FNIP1: variants seen among roughly 807,000 people sequenced by gnomAD.
The protein encoded by FNIP1 is folliculin interacting protein 1.
Under a neutral mutation model 124.5 loss-of-function variants are expected in FNIP1, and 40 were observed. The ratio of observed to expected loss-of-function variants is 0.32; its 90% CI spans 0.25 to 0.42. The LOEUF is 0.42. FNIP1 is among the 10% of genes least tolerant of loss of function. The probability of loss-of-function intolerance (pLI) is 1.00; values close to 1 mark genes in which losing one functional copy is unlikely to be tolerated. For missense variants in FNIP1, 1,176 were observed against 1,403.7 expected (o/e 0.84, Z 2.59); for synonymous variants, 472 against 470.6 (o/e 1.00, Z -0.04).
At chr5:131,754,082 G>T (rs188541082) in intron 1 of FNIP1, among the ~76,000 whole-genome samples, 2 of 152,304 alleles carry the variant, frequency 1.3e-5, no homozygotes, top group Admixed American at 6.5e-5. Context: ...AAAGTGGTGG[G>T]ATTACAGGCA....
chr5:131,709,738 C>CA (rs1308692405), intron 7 of FNIP1, among the ~76,000 whole-genome samples: 93 of 151,982 alleles, frequency 6.1e-4, no homozygotes, highest in African/African-American at 2.1e-3. Flanking sequence ...CTTTAAAAAA[C>CA]AAAAAAGCAG....
intron 5 of FNIP1, among the ~76,000 whole-genome samples, chr5:131,718,701 A>C (rs1769552393): frequency 1.3e-5 from 2 of 152,250 alleles, no homozygotes; most frequent in African/African-American, 2.4e-5. Context: ...CAGGTAACTC[A>C]GCGTGGTACC....
chr5:131,679,100 T>A lies in FNIP1; in HGVS notation c.1278A>T (p.Pro426=). The change falls in exon 12 of 18, where the codon CCA becomes CCT. Residue 426 remains proline, a synonymous_variant. Transcript: ENST00000510461. ...AACGATAGCAAAGGTGGTTCTTTTC[T>A]GGAGTCCCCGACATCATTGTAAGCC... The part of the protein sequence containing the change: ...PVWLTMMSGT[P]EKNHLCYRFM... 1 of 1,611,134 alleles carries A rather than the reference T, an allele frequency of 6.2e-7. No individual in the cohort carries two copies.
chr5:131,672,950 G>A, intron 13 of FNIP1, 26 bp from the exon 14 acceptor site: 1 of 1,473,476 alleles, frequency 6.8e-7, no homozygotes, highest in East Asian at 2.3e-5. Context: ...TCAGTTATTG[G>A]ACATGTCCTT....
In FNIP1 at chr5:131,796,548, G is replaced by C. The variant is rs1003347179; in HGVS notation, c.92+282C>G. The C allele has an allele frequency of 1.0e-5, 5 of 499,674 alleles. No homozygotes were observed. In the African/African-American group the frequency reaches 1.0e-4, roughly 10 times the overall value. The allele number at this position is 499,674 out of a possible 1,614,324, so 31.0% of individuals were successfully genotyped here. On this transcript the variant is annotated intron_variant, in intron 1 of 17. Coordinates refer to ENST00000510461, the MANE Select transcript of FNIP1 (RefSeq NM_133372.3). ...CCAAAGTCTCAGGCCGCGGTGCTAG[G>C]TCCGGAGGAGCAGAGTCGCGCGTGG...
intron 1 of FNIP1, among the ~76,000 whole-genome samples, chr5:131,756,446 G>A (rs1771054456): frequency 6.6e-6 from 1 of 152,044 alleles, no homozygotes; most frequent in South Asian, 2.1e-4. Flanking sequence ...GAAATACACA[G>A]GTGTATAATA....
chr5:131,673,184 A>G lies in FNIP1; in HGVS notation c.1520-260T>C, dbSNP rs376642437. 4.0e-5 allele frequency among the ~76,000 whole-genome samples: 6 copies of G among 151,258 alleles called. No individual in the cohort carries two copies. In the East Asian group the frequency reaches 7.8e-4, roughly 20 times the overall value. Reference sequence around the variant, plus strand: ...TACCTCAGCCTCCTGAGTAGCTGGGACTATAAGCGCGTGCCACCATGCCTG... The same window carrying G: ...TACCTCAGCCTCCTGAGTAGCTGGGGCTATAAGCGCGTGCCACCATGCCTG... On this transcript the variant is annotated intron_variant, in intron 13 of 17. Transcript: ENST00000510461.
At chr5:131,705,546 C>T (rs1431870753) in intron 9 of FNIP1, among the ~76,000 whole-genome samples, 2 of 152,088 alleles carry the variant, frequency 1.3e-5, no homozygotes, top group African/African-American at 4.8e-5. Context: ...TGAGGAACCA[C>T]TTCAGACTCA....
intron 1 of FNIP1, among the ~76,000 whole-genome samples, chr5:131,758,324 C>G (rs143917600): frequency 6.6e-6 from 1 of 152,162 alleles, no homozygotes; most frequent in African/African-American, 2.4e-5. Context: ...TGTAGCCCTA[C>G]TCTGTCTTCA....
rs920430595 is a variant in FNIP1 at position 131,672,121 on chromosome 5, G to C, written c.2323C>G (p.Gln775Glu). ...TELRSQAVVD[Q>E]ITRHHTKPLK... ...GGTTTGGTGTGATGTCTGGTAATCTGATCCACCACTGCCTGACTTCGAAGC... is the reference window on the plus strand; with the variant it reads ...GGTTTGGTGTGATGTCTGGTAATCTCATCCACCACTGCCTGACTTCGAAGC... Residue 775 changes from glutamine to glutamate, a missense_variant, in exon 14 of 18, where the codon CAG becomes GAG. By Grantham distance (29) the Gln-to-Glu change is conservative. Coordinates refer to ENST00000510461, the MANE Select transcript of FNIP1 (RefSeq NM_133372.3). 2.1e-5 allele frequency: 34 copies of C among 1,614,006 alleles called. No individual in the cohort carries two copies. Among genetic ancestry groups the C allele is most frequent in the Non-Finnish European group, 2.7e-5 (32 of 1,180,036 alleles).
At chr5:131,677,206 T>C (rs1767937094) in intron 13 of FNIP1, among the ~76,000 whole-genome samples, 1 of 152,198 alleles carries the variant, frequency 6.6e-6, no homozygotes, top group Admixed American at 6.5e-5. Flanking sequence ...TCCCTCCCTA[T>C]TGTCTATGAA....
At chr5:131,742,539 T>C (rs1308837030) in intron 2 of FNIP1, among the ~76,000 whole-genome samples, 3 of 152,208 alleles carry the variant, frequency 2.0e-5, no homozygotes, top group Non-Finnish European at 4.4e-5. Context: ...CAAAATAATA[T>C]TTATAGTCCT....
At chr5:131,750,775 G>C (rs914078880) in intron 1 of FNIP1, among the ~76,000 whole-genome samples, 10 of 152,158 alleles carry the variant, frequency 6.6e-5, no homozygotes, top group African/African-American at 2.4e-4. Context: ...ACCACGCCCA[G>C]CTAGTTTTTG....
At chr5:131,693,333 C>CATATATATATATATACATAT (rs1768564344) in intron 11 of FNIP1, among the ~76,000 whole-genome samples, 3 of 50,154 alleles carry the variant, frequency 6.0e-5, no homozygotes, top group African/African-American at 2.0e-4. Context: ...TATATATATA[C>CATATATATATATATACATAT]ATATATATAT....
chr5:131,666,371 A>T (rs1173080739), intron 15 of FNIP1, among the ~76,000 whole-genome samples: 1 of 152,202 alleles, frequency 6.6e-6, no homozygotes, highest in Non-Finnish European at 1.5e-5. Context: ...CTAGAAACCC[A>T]ATTACTAAAA....
intron 11 of FNIP1, among the ~76,000 whole-genome samples, chr5:131,696,952 A>G (rs6596033): frequency 0.082 from 12,497 of 152,220 alleles, 1,084 homozygotes; most frequent in African/African-American, 0.22. Flanking sequence ...TTATTATACA[A>G]TAGTCATAAA....
At chr5:131,696,929 G>C (rs572337943) in intron 11 of FNIP1, among the ~76,000 whole-genome samples, 1 of 152,126 alleles carries the variant, frequency 6.6e-6, no homozygotes, top group South Asian at 2.1e-4. Context: ...CAATAATTGA[G>C]TCAAGTAAAT....
At chr5:131,727,032 T>C (rs1337093400) in intron 3 of FNIP1, among the ~76,000 whole-genome samples, 1 of 152,236 alleles carries the variant, frequency 6.6e-6, no homozygotes, top group Non-Finnish European at 1.5e-5. Flanking sequence ...ATGATTTCCA[T>C]TCTTTTGCAT....
intron 2 of FNIP1, among the ~76,000 whole-genome samples, chr5:131,734,741 G>A (rs1332834114): frequency 2.0e-5 from 3 of 152,238 alleles, no homozygotes; most frequent in African/African-American, 7.2e-5. Context: ...TCAGAGAGAT[G>A]CAAATCAAAA....
Sources: gnomAD v4.1 joint callset for allele counts (sites outside exome capture counted in the v4.1 genomes callset) on GRCh38, gnomAD v4.1.1 for gene constraint, MANE v1.5 for transcripts, NCBI Gene and HGNC (gene_info 2026-07-23, HGNC 2026-07-21) for gene names.